The following KIF13A variants were observed in gnomAD, a reference collection of about 807,000 sequenced individuals.
The protein encoded by KIF13A is kinesin family member 13A, also known as kinesin-like protein KIF13A.
A neutral mutation model predicts 212.2 loss-of-function variants in KIF13A; 79 were observed. The observed-to-expected ratio is 0.37, with a 90% CI of 0.31 to 0.45. The LOEUF is 0.45. KIF13A is among the 20% of genes least tolerant of loss of function. The pLI, the probability that KIF13A is intolerant of heterozygous loss-of-function variation, is 1.00. For missense variants in KIF13A, 1,901 were observed against 2,209.0 expected, an observed-to-expected ratio of 0.86 and a Z score of 2.79; for synonymous variants, 789 against 808.6, an observed-to-expected ratio of 0.98 and a Z score of 0.41.
rs1390615659 is a variant in KIF13A at position 17,971,347 on chromosome 6, T to G, written c.146+15707A>C. Among the ~76,000 whole-genome samples the G allele has an allele frequency of 6.6e-6, 1 of 152,234 alleles. No homozygotes were observed. The highest frequency in any genetic ancestry group is 1.5e-5 in the Non-Finnish European group (1 of 68,038). ...GTATCCAAGTTTTAAATTCTGAGAT[T>G]ATGTCCTTTCTCCTATTCTGGTGTT... On this transcript the variant is annotated intron_variant, in intron 2 of 38. Coordinates refer to ENST00000259711, the MANE Select transcript of KIF13A (RefSeq NM_022113.6). The surrounding 1 kb of genome is among the most constrained non-coding windows in gnomAD (Gnocchi z 4.2).
At position 17,883,791 on chromosome 6, in the gene KIF13A, C is replaced by T. The variant is rs150180652; in HGVS notation, c.160-10354G>A. Among the ~76,000 whole-genome samples the T allele has an allele frequency of 6.6e-6, 1 of 152,174 alleles. No homozygotes were observed. The highest frequency in any genetic ancestry group is 6.5e-5 in the Admixed American group (1 of 15,288). Reference sequence around the variant, plus strand: ...GGAGAGCCAGGTGCAATGGTATGCACCTGCAGTCCCAGCTGCTTGTGAGGC... The same window carrying T: ...GGAGAGCCAGGTGCAATGGTATGCATCTGCAGTCCCAGCTGCTTGTGAGGC... On this transcript the variant is annotated intron_variant, in intron 3 of 38. Coordinates refer to ENST00000259711, the MANE Select transcript of KIF13A (RefSeq NM_022113.6). The surrounding 1 kb of genome is among the most constrained non-coding windows in gnomAD (Gnocchi z 4.8).
chr6:17,960,562 T>C (rs1263411432), intron 2 of KIF13A, among the ~76,000 whole-genome samples: 1 of 152,162 alleles, frequency 6.6e-6, no homozygotes, highest in Non-Finnish European at 1.5e-5. Flanking sequence ...CAAAGAGGGA[T>C]CCTCTTATAT....
chr6:17,844,669 C>A (rs149967937), intron 9 of KIF13A, among the ~76,000 whole-genome samples: 1 of 152,292 alleles, frequency 6.6e-6, no homozygotes, highest in East Asian at 1.9e-4. Flanking sequence ...ATTCTTCCAA[C>A]GATGTGGCTA....
Position 17,794,867 on chromosome 6 carries a change from A to C in KIF13A, c.2943-163T>G, listed in dbSNP as rs936684041. On this transcript the variant is annotated intron_variant, in intron 23 of 38. Transcript: ENST00000259711. The surrounding 1 kb of genome is among the most constrained non-coding windows in gnomAD (Gnocchi z 4.1). ...TTAACTCTCAAAACCAACCTGTCAT[A>C]TTGTTTCTTTTTATTTATTTTACTG... 5 of 637,994 alleles carry C rather than the reference A, an allele frequency of 7.8e-6. No individual in the cohort carries two copies. Among genetic ancestry groups the C allele is most frequent in the Admixed American group, 3.5e-5 (1 of 28,266 alleles). 39.5% of individuals were successfully genotyped at this position (637,994 alleles called of 1,614,324 possible).
Position 17,856,031 on chromosome 6 carries a change from T to C in KIF13A, c.312A>G (p.Thr104=). ...TGGTCTATAAAAGCAACTTCTTACC[T>C]GTCTGTCCATATGCAAAAATACACG... ...YNACIFAYGQ[T]GSGKSFSMMG... The change falls in exon 5 of 39, where the codon ACA becomes ACG. Residue 104 remains threonine, a splice_region_variant and synonymous_variant. Coordinates refer to ENST00000259711, the MANE Select transcript of KIF13A (RefSeq NM_022113.6). The surrounding 1 kb of genome is among the most constrained non-coding windows in gnomAD (Gnocchi z 4.5). The C allele has an allele frequency of 6.2e-7, 1 of 1,606,502 alleles. No homozygotes were observed. The highest frequency in any genetic ancestry group is 8.5e-7 in the Non-Finnish European group (1 of 1,173,428).
In KIF13A at chr6:17,777,431, T is replaced by G. The variant is rs1760098424; in HGVS notation, c.4093-77A>C. On this transcript the variant is annotated intron_variant, in intron 33 of 38. Coordinates refer to ENST00000259711, the MANE Select transcript of KIF13A (RefSeq NM_022113.6). This position sits in a 1 kb window ranked among gnomAD's most constrained non-coding sequence, Gnocchi z 4.4. ...CAGAGTCTCACTCTGTTGCCCAGGC[T>G]GGAGTGTAGTGATGCGATCTCTGCT... 8.4e-7 allele frequency: 1 copy of G among 1,195,680 alleles called. No homozygotes were observed. Among genetic ancestry groups the G allele is most frequent in the Admixed American group, 2.0e-5 (1 of 50,370 alleles). 74.1% of individuals were successfully genotyped at this position (1,195,680 alleles called of 1,614,324 possible). A position where few individuals can be genotyped will look rare whatever the true frequency, so the allele number is the denominator to read the frequency against.
In KIF13A at chr6:17,779,109, C is replaced by A. The variant is rs369333814; in HGVS notation, c.3940-10G>T. 2 of 1,612,498 alleles carry A rather than the reference C, an allele frequency of 1.2e-6. No individual in the cohort carries two copies. Among genetic ancestry groups the A allele is most frequent in the Non-Finnish European group, 1.7e-6 (2 of 1,178,908 alleles). ...CTATCTCCTCAGTTGCCTACGAGGACAGGAAGGAAGTGACAATACTTTGAT... is the reference window on the plus strand; with the variant it reads ...CTATCTCCTCAGTTGCCTACGAGGAAAGGAAGGAAGTGACAATACTTTGAT... On this transcript the variant is annotated splice_polypyrimidine_tract_variant and intron_variant, in intron 32 of 38. Transcript: ENST00000259711.
At chr6:17,975,551 A>G (rs1561827771) in intron 2 of KIF13A, among the ~76,000 whole-genome samples, 1 of 152,202 alleles carries the variant, frequency 6.6e-6, no homozygotes, top group Non-Finnish European at 1.5e-5. Flanking sequence ...CCAAAAGAAA[A>G]AAAAGCTTCC....
In KIF13A at chr6:17,764,627, T is replaced by C. The variant is rs754599022; in HGVS notation, c.4901A>G (p.Glu1634Gly). The C allele has an allele frequency of 1.1e-5, 18 of 1,613,458 alleles. No individual in the cohort carries two copies. In the African/African-American group the frequency reaches 2.1e-4, roughly 19 times the overall value. Residue 1634 changes from glutamate (E) to glycine (G), a missense_variant, in exon 39 of 39, where the codon GAG becomes GGG. By Grantham distance (98) the Glu-to-Gly change is moderately conservative. Coordinates refer to ENST00000259711, the MANE Select transcript of KIF13A (RefSeq NM_022113.6). The surrounding 1 kb of genome is among the most constrained non-coding windows in gnomAD (Gnocchi z 5.1). ...AIQTKDADST[E>G]HSTPSLVHDF... ...ATGCACAAGCGATGGTGTGGAGTGC[T>C]CGGTGGAGTCTGCATCCTTCGTCTG... is the stretch of plus-strand genomic sequence containing the variant.
intron 2 of KIF13A, among the ~76,000 whole-genome samples, chr6:17,965,968 G>A (rs186563265): frequency 6.8e-4 from 103 of 152,274 alleles, no homozygotes; most frequent in Admixed American, 1.4e-3. Flanking sequence ...TTGAGGTTAG[G>A]AGTTCACTTG....
chr6:17,969,065 A>C (rs1221575832), intron 2 of KIF13A, among the ~76,000 whole-genome samples: 1 of 152,248 alleles, frequency 6.6e-6, no homozygotes, highest in African/African-American at 2.4e-5. Flanking sequence ...TAGCTCTGGC[A>C]GTACAGGAAA....
rs1581865969 is a variant in KIF13A, at chr6:17,961,149, T to C, written c.146+25905A>G. Among the ~76,000 whole-genome samples, 1 of 152,120 alleles carries C rather than the reference T, an allele frequency of 6.6e-6. No homozygotes were observed. Among genetic ancestry groups the C allele is most frequent in the East Asian group, 1.9e-4 (1 of 5,186 alleles). On this transcript the variant is annotated intron_variant, in intron 2 of 38. Coordinates refer to ENST00000259711, the MANE Select transcript of KIF13A (RefSeq NM_022113.6). The surrounding 1 kb of genome is among the most constrained non-coding windows in gnomAD (Gnocchi z 4.1). ...TGCTGAAACATCCAAAAGGAACCAATGAATGTGAGTTTGCAGAGAGGAGGC... is the reference window on the plus strand; with the variant it reads ...TGCTGAAACATCCAAAAGGAACCAACGAATGTGAGTTTGCAGAGAGGAGGC...
chr6:17,846,011 T>C (rs1766997623), intron 9 of KIF13A, among the ~76,000 whole-genome samples: 1 of 149,438 alleles, frequency 6.7e-6, no homozygotes, highest in Admixed American at 6.7e-5. Context: ...TAAGAACATG[T>C]CAGAGATTTC....
chr6:17,849,271 T>C lies in KIF13A; in HGVS notation c.830+106A>G, dbSNP rs1767396033. ...TCTTCAGCCCAGTTTACTAAAGCTA[T>C]ACAGACTTTAAACAACCTGTACATC... is the stretch of plus-strand genomic sequence containing the variant. On this transcript the variant is annotated intron_variant, in intron 9 of 38. Transcript: ENST00000259711. The surrounding 1 kb of genome is among the most constrained non-coding windows in gnomAD (Gnocchi z 5.7). The C allele has an allele frequency of 2.7e-6, 2 of 733,178 alleles. No individual in the cohort carries two copies. The highest frequency in any genetic ancestry group is 2.8e-5 in the East Asian group (1 of 36,300). 45.4% of individuals were successfully genotyped at this position (733,178 alleles called of 1,614,324 possible).
intron 16 of KIF13A, among the ~76,000 whole-genome samples, chr6:17,823,670 G>A (rs997701642): frequency 4.0e-5 from 6 of 151,446 alleles, no homozygotes; most frequent in Admixed American, 2.0e-4. Flanking sequence ...GTTTCACCAC[G>A]TTAGCCAGGC....
intron 2 of KIF13A, chr6:17,950,390 A>C (rs549714583): frequency 2.1e-6 from 2 of 963,094 alleles, no homozygotes; most frequent in East Asian, 2.3e-4. Flanking sequence ...TAAAAATATA[A>C]TGACTCACAG....
Position 17,839,915 on chromosome 6 carries a change from G to T in KIF13A, c.831-2332C>A, listed in dbSNP as rs1213268589. On this transcript the variant is annotated intron_variant, in intron 9 of 38. Transcript: ENST00000259711. The surrounding 1 kb of genome is among the most constrained non-coding windows in gnomAD (Gnocchi z 4.3). ...TTTCAGATTTCTCGCCTGCAGAATT[G>T]TGAGAAATAAATTTCTGTTGTTTTA... Among the ~76,000 whole-genome samples the T allele has an allele frequency of 6.6e-6, 1 of 152,190 alleles. No homozygotes were observed. The highest frequency in any genetic ancestry group is 1.5e-5 in the Non-Finnish European group (1 of 68,032).
chr6:17,813,721 T>A (rs926459629), intron 17 of KIF13A, among the ~76,000 whole-genome samples: 6 of 152,116 alleles, frequency 3.9e-5, no homozygotes, highest in Admixed American at 3.9e-4. Flanking sequence ...TAGTGAGAGC[T>A]GCAGTGTGTG....
intron 2 of KIF13A, among the ~76,000 whole-genome samples, chr6:17,943,218 A>ATTCTGTTTCTGTTTCTG (rs1777098659): frequency 6.6e-6 from 1 of 152,098 alleles, no homozygotes; most frequent in Admixed American, 6.5e-5. Flanking sequence ...TGAATTTTCA[A>ATTCTGTTTCTGTTTCTG]TGTCTGTTTC....
Sources: allele counts gnomAD v4.1 joint callset (sites outside exome capture counted in the v4.1 genomes callset), GRCh38; gene constraint gnomAD v4.1.1; non-coding constraint Gnocchi (gnomAD v3.1); transcripts MANE v1.5; gene names NCBI Gene and HGNC (gene_info 2026-07-23, HGNC 2026-07-21).